MAN1C1: variants seen among roughly 807,000 people sequenced by gnomAD.
The protein encoded by MAN1C1 is mannosidase alpha class 1C member 1, also known as mannosyl-oligosaccharide 1,2-alpha-mannosidase IC.
Under a neutral mutation model 71.5 loss-of-function variants are expected in MAN1C1, and 49 were observed. That is an observed-to-expected ratio of 0.69 (90% CI 0.54 to 0.87). MAN1C1 has a LOEUF of 0.87. Ranked by LOEUF, MAN1C1 falls within the 40% of genes least tolerant of loss-of-function variation. The pLI is 0.00. For missense variants in MAN1C1, 743 were observed against 835.0 expected, an observed-to-expected ratio of 0.89 and a Z score of 1.36; for synonymous variants, 352 against 343.7, an observed-to-expected ratio of 1.02 and a Z score of -0.27.
chr1:25,692,477 G>A (rs2046321781), intron 2 of MAN1C1, among the ~76,000 whole-genome samples: 1 of 152,174 alleles, frequency 6.6e-6, no homozygotes, highest in Non-Finnish European at 1.5e-5. Context: ...TCCTCTCAAA[G>A]TGCTAGGATT....
At chr1:25,783,258 A>G (rs2047721278) in intron 11 of MAN1C1, among the ~76,000 whole-genome samples, 1 of 152,152 alleles carries the variant, frequency 6.6e-6, no homozygotes. Context: ...TCACAACCCC[A>G]TGTTCTTCTC....
At chr1:25,740,011 G>T (rs377742629) in intron 2 of MAN1C1, among the ~76,000 whole-genome samples, 7 of 152,168 alleles carry the variant, frequency 4.6e-5, no homozygotes, top group South Asian at 4.1e-4. Flanking sequence ...GGGCCCCCGT[G>T]GGGGCTGGAA....
intron 8 of MAN1C1, 90 bp downstream of exon 8, chr1:25,771,862 C>A: frequency 1.0e-6 from 1 of 958,470 alleles, no homozygotes; most frequent in Non-Finnish European, 1.7e-6. Context: ...GCAGCGGGGC[C>A]AGATGGGCCG....
In MAN1C1 at chr1:25,617,708, G is replaced by A. The variant is rs2045123786; in HGVS notation, c.-90G>A. ...AACCCTGCCCAGGGACCCCCATCCC[G>A]GGCGGCGCTCCGGACGCCCTCCCCT... On this transcript the variant is annotated 5_prime_UTR_variant, in exon 1 of 12. Transcript: ENST00000374332. This position sits in a 1 kb window ranked among gnomAD's most constrained non-coding sequence, Gnocchi z 5.1. The A allele has an allele frequency of 6.9e-6, 9 of 1,306,400 alleles. No individual in the cohort carries two copies. In the South Asian group the frequency reaches 1.3e-4, roughly 19 times the overall value. 80.9% of individuals were successfully genotyped at this position (1,306,400 alleles called of 1,614,324 possible). A position where few individuals can be genotyped will look rare whatever the true frequency, so the allele number is the denominator to read the frequency against.
intron 2 of MAN1C1, among the ~76,000 whole-genome samples, chr1:25,694,253 A>T (rs75228458): frequency 6.6e-6 from 1 of 152,168 alleles, no homozygotes; most frequent in Admixed American, 6.5e-5. Flanking sequence ...CCCTGTAAAA[A>T]GTAGCAGTTC....
intron 1 of MAN1C1, among the ~76,000 whole-genome samples, chr1:25,674,832 C>T (rs189539394): frequency 1.3e-3 from 194 of 152,116 alleles, no homozygotes; most frequent in African/African-American, 4.5e-3. Flanking sequence ...TGAAGCAGAG[C>T]GATATGAATA....
At chr1:25,737,152 C>T (rs1272457297) in intron 2 of MAN1C1, among the ~76,000 whole-genome samples, 1 of 152,252 alleles carries the variant, frequency 6.6e-6, no homozygotes, top group Non-Finnish European at 1.5e-5. Context: ...AGACAGCACC[C>T]TCAGCTCTTA....
At chr1:25,701,676 G>T (rs1056035280) in intron 2 of MAN1C1, among the ~76,000 whole-genome samples, 7 of 152,238 alleles carry the variant, frequency 4.6e-5, no homozygotes, top group Non-Finnish European at 1.0e-4. Flanking sequence ...GGGTCTGTGT[G>T]TGTGCCATTG....
chr1:25,739,792 C>G (rs1033469810), intron 2 of MAN1C1, among the ~76,000 whole-genome samples: 7 of 152,074 alleles, frequency 4.6e-5, no homozygotes, highest in South Asian at 2.1e-4. Context: ...GGTGGCAGCC[C>G]CTGGAGTAGA....
intron 2 of MAN1C1, among the ~76,000 whole-genome samples, chr1:25,732,360 A>G (rs1447529511): frequency 6.6e-6 from 1 of 152,166 alleles, no homozygotes; most frequent in East Asian, 1.9e-4. Context: ...GGGCAGAGCA[A>G]CCAGGGAAGA....
intron 1 of MAN1C1, among the ~76,000 whole-genome samples, chr1:25,672,223 T>G (rs932242427): frequency 2.6e-5 from 4 of 152,006 alleles, no homozygotes; most frequent in Non-Finnish European, 4.4e-5. Flanking sequence ...GAGAGAGAGA[T>G]AATTTGCCCT....
intron 1 of MAN1C1, among the ~76,000 whole-genome samples, chr1:25,648,328 A>C (rs996013483): frequency 1.3e-5 from 2 of 152,186 alleles, no homozygotes; most frequent in African/African-American, 4.8e-5. Context: ...CTCTAGATTC[A>C]GCATTCTTTT....
intron 1 of MAN1C1, among the ~76,000 whole-genome samples, chr1:25,682,019 G>A (rs1276053996): frequency 6.6e-6 from 1 of 151,954 alleles, no homozygotes; most frequent in Non-Finnish European, 1.5e-5. Context: ...TTATATTTCA[G>A]CCTGTCTTTC....
chr1:25,623,326 G>A (rs1333250095), intron 1 of MAN1C1, among the ~76,000 whole-genome samples: 1 of 152,158 alleles, frequency 6.6e-6, no homozygotes, highest in Non-Finnish European at 1.5e-5. Context: ...GAGGGAATTA[G>A]GCATTCCAGG....
chr1:25,671,887 A>G (rs779251406), intron 1 of MAN1C1, among the ~76,000 whole-genome samples: 70 of 152,132 alleles, frequency 4.6e-4, no homozygotes, highest in Non-Finnish European at 9.0e-4. Flanking sequence ...ATTAATTAGG[A>G]TTCTCCAGAG....
rs1410306584 is a variant in MAN1C1, at chr1:25,769,321, A to G, written c.1142-2336A>G. On this transcript the variant is annotated intron_variant, in intron 7 of 11. Transcript: ENST00000374332. The surrounding 1 kb of genome is among the most constrained non-coding windows in gnomAD (Gnocchi z 4.8). ...CCCCTCAGCACACACACACGCCCCC[A>G]TACACCTACATACACCACACACATT... 3.3e-5 allele frequency among the ~76,000 whole-genome samples: 5 copies of G among 151,000 alleles called. No homozygotes were observed. The highest frequency in any genetic ancestry group is 4.9e-5 in the African/African-American group (2 of 40,984).
At chr1:25,624,562 A>C (rs1046519955) in intron 1 of MAN1C1, among the ~76,000 whole-genome samples, 1 of 152,248 alleles carries the variant, frequency 6.6e-6, no homozygotes, top group Non-Finnish European at 1.5e-5. Flanking sequence ...CATCTGTTTT[A>C]GTGGTAACTT....
At chr1:25,652,062 T>A (rs942582854) in intron 1 of MAN1C1, among the ~76,000 whole-genome samples, 1 of 152,172 alleles carries the variant, frequency 6.6e-6, no homozygotes, top group South Asian at 2.1e-4. Flanking sequence ...AAGTGCTTGA[T>A]CTTTCTGATT....
At chr1:25,618,746 A>G (rs1199625332) in intron 1 of MAN1C1, among the ~76,000 whole-genome samples, 1 of 152,100 alleles carries the variant, frequency 6.6e-6, no homozygotes, top group Non-Finnish European at 1.5e-5. Context: ...CACTGGTCCC[A>G]TTCTTTTTCA....
Sources: allele counts gnomAD v4.1 joint callset (sites outside exome capture counted in the v4.1 genomes callset), GRCh38; gene constraint gnomAD v4.1.1; non-coding constraint Gnocchi (gnomAD v3.1); transcripts MANE v1.5; gene names NCBI Gene and HGNC (gene_info 2026-07-23, HGNC 2026-07-21).